MYH1: variants seen among roughly 807,000 people sequenced by gnomAD.
MYH1 encodes the protein myosin heavy chain 1.
Under a neutral mutation model 225.6 loss-of-function variants are expected in MYH1, and 214 were observed. The observed-to-expected ratio is 0.95, with a 90% CI of 0.85 to 1.06. MYH1 has a LOEUF of 1.06. Among genes scored for constraint, MYH1 ranks in the 50% least tolerant of loss-of-function variants. The probability of loss-of-function intolerance (pLI) is 0.00; values close to 1 mark genes in which losing one functional copy is unlikely to be tolerated. For missense variants in MYH1, 2,098 were observed against 2,344.2 expected, an observed-to-expected ratio of 0.89 and a Z score of 2.17; for synonymous variants, 774 against 842.3, an observed-to-expected ratio of 0.92 and a Z score of 1.40.
At position 10,505,996 on chromosome 17, in the gene MYH1, A is replaced by G. The variant is rs150944573; in HGVS notation, c.2056+16T>C. 40 of 1,614,168 alleles carry G rather than the reference A, an allele frequency of 2.5e-5. 1 individual carries two copies. In the African/African-American group the frequency reaches 4.1e-4, roughly 17 times the overall value. ...CACACACACTGGAGCTTGTCTGGAT[A>G]TCAGAAATGTCTTACCAGGAGTTTT... On this transcript the variant is annotated intron_variant, in intron 18 of 39. Transcript: ENST00000226207.
At chr17:10,514,936 A>G in intron 5 of MYH1, 41 bp from the exon 6 acceptor site, 3 of 1,590,698 alleles carry the variant, frequency 1.9e-6, no homozygotes, top group Non-Finnish European at 2.6e-6. Flanking sequence ...TGTATCAGTT[A>G]CACAAACAAA....
At chr17:10,494,805 T>G (rs2072970414) in intron 37 of MYH1, 126 bp downstream of exon 37, 2 of 1,589,052 alleles carry the variant, frequency 1.3e-6, no homozygotes, top group Non-Finnish European at 1.7e-6. Context: ...TATTATGAGC[T>G]TTTGGGCATG....
chr17:10,501,701 T>C lies in MYH1; in HGVS notation c.3258-17A>G. 1 of 1,614,182 alleles carries C rather than the reference T, an allele frequency of 6.2e-7. No individual in the cohort carries two copies. Among genetic ancestry groups the C allele is most frequent in the Non-Finnish European group, 8.5e-7 (1 of 1,180,006 alleles). ...AACTCTTTCCTATTAGAAAAGCCCT[T>C]TATGTCAGTCTCAGAAATATTAAGA... is the stretch of plus-strand genomic sequence containing the variant. On this transcript the variant is annotated splice_polypyrimidine_tract_variant and intron_variant, in intron 25 of 39. Transcript: ENST00000226207.
chr17:10,511,793 C>A (rs186395760), intron 14 of MYH1, 46 bp downstream of exon 14: 1 of 1,613,642 alleles, frequency 6.2e-7, no homozygotes, highest in Non-Finnish European at 8.5e-7. Context: ...CAGCAACAAG[C>A]TTGCTTGTTG....
At position 10,494,329 on chromosome 17, in the gene MYH1, T is replaced by A. The variant is rs147787039; in HGVS notation, c.5667+25A>T. On this transcript the variant is annotated intron_variant, in intron 39 of 39. Coordinates refer to ENST00000226207, the MANE Select transcript of MYH1 (RefSeq NM_005963.4). The stretch of plus-strand genomic sequence containing the variant: ...CTGGCCTGGTCATGTCTGAGAAAAA[T>A]CACCCCAAGGGGTTGTGAACTCACC... The A allele has an allele frequency of 1.4e-3, 2,181 of 1,598,728 alleles. 24 individuals are homozygous for A. The East Asian group carries it at 0.023, about 17-fold the overall frequency.
intron 9 of MYH1, 63 bp from the exon 10 acceptor site, chr17:10,513,028 A>T: frequency 8.8e-7 from 1 of 1,133,756 alleles, no homozygotes. Context: ...GAGTGATTTG[A>T]GGACTTGGGA....
chr17:10,513,030 G>A (rs2073188709), intron 9 of MYH1, 65 bp from the exon 10 acceptor site: 2 of 1,120,796 alleles, frequency 1.8e-6, no homozygotes, highest in Admixed American at 2.1e-5. Context: ...GTGATTTGAG[G>A]ACTTGGGATC....
intron 17 of MYH1, 96 bp from the exon 18 acceptor site, chr17:10,506,195 T>C: frequency 6.8e-7 from 1 of 1,468,544 alleles, no homozygotes; most frequent in Non-Finnish European, 9.3e-7. Context: ...AGTGGTTTAA[T>C]TCTAATGAAT....
chr17:10,500,649 C>T lies in MYH1; in HGVS notation c.3842G>A (p.Arg1281Lys). ...QRLINDLTAQ[R>K]ARLQTESGEY... ...ACCTGATTCTGTTTGCAGGCGCGCT[C>T]TCTGTGCTGTGAGGTCATTGATCAG... Residue 1281 changes from arginine (R) to lysine (K), a missense_variant, in exon 28 of 40, where the codon AGA becomes AAA. Physicochemically the swap from Arg to Lys is conservative, Grantham distance 26. Coordinates refer to ENST00000226207, the MANE Select transcript of MYH1 (RefSeq NM_005963.4). 6.2e-7 allele frequency: 1 copy of T among 1,613,720 alleles called. No homozygotes were observed. The highest frequency in any genetic ancestry group is 2.2e-5 in the East Asian group (1 of 44,892).
At chr17:10,502,599 G>A in intron 24 of MYH1, 139 bp downstream of exon 24, 2 of 1,291,252 alleles carry the variant, frequency 1.5e-6, no homozygotes, top group Non-Finnish European at 2.2e-6. Flanking sequence ...CTTAGACCTT[G>A]TAATAGGGAT....
At chr17:10,514,477 G>C (rs2073205739) in intron 6 of MYH1, among the ~76,000 whole-genome samples, 1 of 152,194 alleles carries the variant, frequency 6.6e-6, no homozygotes, top group South Asian at 2.1e-4. Flanking sequence ...CCTCGGACTA[G>C]AGACATGGCT....
chr17:10,501,552 T>C, intron 26 of MYH1, 42 bp downstream of exon 26: 1 of 1,614,234 alleles, frequency 6.2e-7, no homozygotes, highest in Non-Finnish European at 8.5e-7. Flanking sequence ...TGTCAGTAAC[T>C]TTTCGATGTT....
chr17:10,510,291 A>T (rs1168280711), intron 14 of MYH1, among the ~76,000 whole-genome samples: 1 of 152,198 alleles, frequency 6.6e-6, no homozygotes, highest in African/African-American at 2.4e-5. Context: ...TTAATAATAA[A>T]AATTCAACAG....
At chr17:10,501,949 G>T in intron 24 of MYH1, 38 bp from the exon 25 acceptor site, 1 of 1,564,648 alleles carries the variant, frequency 6.4e-7, no homozygotes, top group South Asian at 1.2e-5. Flanking sequence ...TTCTTAGAAT[G>T]GTAGCACCTT....
chr17:10,509,683 A>G (rs763315615), intron 14 of MYH1, 28 bp from the exon 15 acceptor site: 1 of 1,614,186 alleles, frequency 6.2e-7, no homozygotes, highest in Non-Finnish European at 8.5e-7. Flanking sequence ...ACAAATTAGC[A>G]TTCAATTTAT....
In MYH1 at chr17:10,505,237, C is replaced by T. The variant is rs755046456; in HGVS notation, c.2361G>A (p.Gln787=). 67 of 1,614,078 alleles carry T rather than the reference C, an allele frequency of 4.2e-5. No individual in the cohort carries two copies. The highest frequency in any genetic ancestry group is 5.3e-5 in the Non-Finnish European group (63 of 1,180,038). ...ACATGGCCTGGGTTCGGGTAATCAGCTGGGCCAGCTTCTCATCTCGCATCT... is the reference window on the plus strand; with the variant it reads ...ACATGGCCTGGGTTCGGGTAATCAGTTGGGCCAGCTTCTCATCTCGCATCT... The part of the protein sequence containing the change: ...LEEMRDEKLA[Q]LITRTQAMCR... The change falls in exon 21 of 40, where the codon CAG becomes CAA. Residue 787 remains glutamine, a synonymous_variant. Transcript: ENST00000226207.
intron 35 of MYH1, 35 bp from the exon 36 acceptor site, chr17:10,495,352 CAT>C: frequency 6.2e-7 from 1 of 1,610,636 alleles, no homozygotes; most frequent in Non-Finnish European, 8.5e-7. Context: ...ATATTAGGCA[CAT>C]GAGAGAAAAA....
At chr17:10,510,714 G>A (rs933325651) in intron 14 of MYH1, among the ~76,000 whole-genome samples, 2 of 152,092 alleles carry the variant, frequency 1.3e-5, no homozygotes, top group African/African-American at 2.4e-5. Context: ...CATATTATCC[G>A]ATTCCATTAT....
In MYH1 at chr17:10,508,013, T is replaced by G. The variant is rs865993957; in HGVS notation, c.1898-57A>C. The G allele has an allele frequency of 1.2e-4, 156 of 1,324,336 alleles. 1 individual carries two copies. In the African/African-American group the frequency reaches 1.8e-3, roughly 15 times the overall value. 82.0% of individuals were successfully genotyped at this position (1,324,336 alleles called of 1,614,324 possible). A position where few individuals can be genotyped will look rare whatever the true frequency, so the allele number is the denominator to read the frequency against. ...GCCTTTCTCTGGTTATGGTTTTTTTTTTTTGTTTTTTTTTGTTTTTTTTGA... is the reference window on the plus strand; with the variant it reads ...GCCTTTCTCTGGTTATGGTTTTTTTGTTTTGTTTTTTTTTGTTTTTTTTGA... On this transcript the variant is annotated intron_variant, in intron 16 of 39. Coordinates refer to ENST00000226207, the MANE Select transcript of MYH1 (RefSeq NM_005963.4).
Sources: gnomAD v4.1 joint callset for allele counts (sites outside exome capture counted in the v4.1 genomes callset) on GRCh38, gnomAD v4.1.1 for gene constraint, MANE v1.5 for transcripts, NCBI Gene and HGNC (gene_info 2026-07-23, HGNC 2026-07-21) for gene names.